The following MITD1 variants were observed in gnomAD, a reference collection of about 807,000 sequenced individuals.
The protein encoded by MITD1 is microtubule interacting and trafficking domain containing 1, also known as MIT domain-containing protein 1.
Under a neutral mutation model 34.9 loss-of-function variants are expected in MITD1, and 24 were observed. The ratio of observed to expected loss-of-function variants is 0.69; its 90% CI spans 0.50 to 0.97. The LOEUF (loss-of-function observed/expected upper bound fraction) is 0.97. Ranked by LOEUF, MITD1 falls within the 50% of genes least tolerant of loss-of-function variation. MITD1 has a pLI of 0.00. For synonymous variants in MITD1, 102 were observed against 101.4 expected, an observed-to-expected ratio of 1.01 and a Z score of -0.04; for missense variants, 266 against 294.6, an observed-to-expected ratio of 0.90 and a Z score of 0.71.
chr2:99,165,955 G>A (rs1400882092), downstream of MITD1, among the ~76,000 whole-genome samples: 1 of 152,184 alleles, frequency 6.6e-6, no homozygotes, highest in African/African-American at 2.4e-5. Context: ...CAGTGGTGTA[G>A]GCTACTGCAT....
rs749042289 is a variant in MITD1 at position 99,171,445 on chromosome 2, A to G, written c.391-16T>C. Reference sequence around the variant, plus strand: ...AGTTATACAGCTAAAAGACATTAGAATGGATTATTACTAATTTAGTACATT... The same window carrying G: ...AGTTATACAGCTAAAAGACATTAGAGTGGATTATTACTAATTTAGTACATT... On this transcript the variant is annotated splice_polypyrimidine_tract_variant and intron_variant, in intron 3 of 6. Coordinates refer to ENST00000289359, the MANE Select transcript of MITD1 (RefSeq NM_138798.3). 5.0e-6 allele frequency: 8 copies of G among 1,602,858 alleles called. No homozygotes were observed. Among genetic ancestry groups the G allele is most frequent in the Non-Finnish European group, 6.8e-6 (8 of 1,170,126 alleles).
rs780351789 is a variant in MITD1, at chr2:99,169,445, TCA to T, written c.678_679del (p.Cys226Ter). 1 of 1,200,614 alleles carries T rather than the reference TCA, an allele frequency of 8.3e-7. No homozygotes were observed. The highest frequency in any genetic ancestry group is 1.2e-6 in the Non-Finnish European group (1 of 843,852). The allele number at this position is 1,200,614 out of a possible 1,614,324, so 74.4% of individuals were successfully genotyped here. A position where few individuals can be genotyped will look rare whatever the true frequency, so the allele number is the denominator to read the frequency against. ...TTCATGACATGGTCTTAAATCAAAA[TCA>T]CAATATCCAAGGGAAAAACGACTCT... On this transcript the variant is annotated stop_gained and frameshift_variant, in exon 7 of 7. Coordinates refer to ENST00000289359, the MANE Select transcript of MITD1 (RefSeq NM_138798.3). LOFTEE classifies it high-confidence loss of function.
chr2:99,166,416 A>G (rs999606651), downstream of MITD1, among the ~76,000 whole-genome samples: 3 of 148,450 alleles, frequency 2.0e-5, no homozygotes, highest in African/African-American at 7.4e-5. Flanking sequence ...AGCAAAAACG[A>G]TTTCAGTGGA....
chr2:99,162,336 A>G, intron 7 of MITD1: 2 of 1,613,678 alleles, frequency 1.2e-6, no homozygotes, highest in Non-Finnish European at 1.7e-6. Context: ...GTATGATAGA[A>G]TGGAAAATCT....
At chr2:99,167,624 A>G (rs1330367847), downstream of MITD1, among the ~76,000 whole-genome samples, 1 of 152,200 alleles carries the variant, frequency 6.6e-6, no homozygotes, top group Non-Finnish European at 1.5e-5. Flanking sequence ...ACATGAAGGT[A>G]AAGAGGCCTA....
At chr2:99,163,834 C>T (rs1328586416) in intron 7 of MITD1, among the ~76,000 whole-genome samples, 1 of 152,068 alleles carries the variant, frequency 6.6e-6, no homozygotes, top group Non-Finnish European at 1.5e-5. Context: ...ATTTTCTTAT[C>T]TTTCTACTCT....
rs753859939 is a variant in MITD1 at position 99,180,971 on chromosome 2, G to A, written c.11C>T (p.Ser4Phe). The change falls in exon 1 of 7, where the codon TCC becomes TTC. Residue 4 changes from serine to phenylalanine, a missense_variant. Coordinates refer to ENST00000289359, the MANE Select transcript of MITD1 (RefSeq NM_138798.3). ...GCTCTGCGGGTCCTGCCTCAGCCCG[G>A]ACTTCGCCATAATTCTGGAAGTTCT... is the stretch of plus-strand genomic sequence containing the variant. MAK[S>F]GLRQDPQSTA... 9.9e-6 allele frequency: 16 copies of A among 1,613,350 alleles called. No homozygotes were observed. The highest frequency in any genetic ancestry group is 7.7e-5 in the South Asian group (7 of 90,958).
In MITD1 at chr2:99,171,388, T is replaced by G; in HGVS notation, c.432A>C (p.Arg144Ser). The G allele has an allele frequency of 7.4e-6, 12 of 1,612,370 alleles. No homozygotes were observed. Among genetic ancestry groups the G allele is most frequent in the Non-Finnish European group, 1.0e-5 (12 of 1,179,558 alleles). The stretch of plus-strand genomic sequence containing the variant: ...GGTGAATAGTTTTTACTTTACATGG[T>G]CTCTTAATAAGCATCTCACAAAATC... ...FLRFCEMLIK[R>S]PCKVKTIHLL... is the part of the protein sequence containing the mutation. The change falls in exon 4 of 7, where the codon AGA becomes AGC. Residue 144 changes from arginine to serine, a missense_variant. Transcript: ENST00000289359.
chr2:99,164,067 G>T (rs545846330), intron 7 of MITD1, among the ~76,000 whole-genome samples: 1 of 152,052 alleles, frequency 6.6e-6, no homozygotes. Flanking sequence ...ATGCTGGGGG[G>T]AAAGATCATA....
chr2:99,173,403 A>AC, intron 2 of MITD1: 1 of 447,262 alleles, frequency 2.2e-6, no homozygotes, highest in South Asian at 1.6e-5. Flanking sequence ...ATAATAGGGA[A>AC]CAATACCTAC....
At chr2:99,167,066 A>T (rs1023595583), downstream of MITD1, among the ~76,000 whole-genome samples, 1 of 151,758 alleles carries the variant, frequency 6.6e-6, no homozygotes, top group African/African-American at 2.4e-5. Context: ...TTTATTACAT[A>T]TTAAATACTC....
chr2:99,167,625 A>G (rs953681167), downstream of MITD1, among the ~76,000 whole-genome samples: 1 of 152,168 alleles, frequency 6.6e-6, no homozygotes, highest in Non-Finnish European at 1.5e-5. Flanking sequence ...CATGAAGGTA[A>G]AGAGGCCTAA....
downstream of MITD1, chr2:99,169,208 T>A (rs2105211948): frequency 2.1e-6 from 1 of 479,984 alleles, no homozygotes; most frequent in African/African-American, 2.0e-5. Flanking sequence ...TGCTGAGTAA[T>A]ATATTTACAA....
intron 7 of MITD1, chr2:99,162,328 A>G (rs771160985): frequency 2.5e-6 from 4 of 1,613,518 alleles, no homozygotes; most frequent in Middle Eastern, 1.6e-4. Flanking sequence ...AAAAAAAAGT[A>G]TGATAGAATG....
chr2:99,179,893 C>A (rs1179321969), intron 1 of MITD1, among the ~76,000 whole-genome samples: 1 of 152,072 alleles, frequency 6.6e-6, no homozygotes, highest in Non-Finnish European at 1.5e-5. Flanking sequence ...ACCAAAGCAC[C>A]AAACCATAAA....
chr2:99,179,251 C>T (rs1466961793), intron 1 of MITD1, among the ~76,000 whole-genome samples: 1 of 152,210 alleles, frequency 6.6e-6, no homozygotes, highest in African/African-American at 2.4e-5. Context: ...AGTGTTCCAC[C>T]TGACCAACAC....
chr2:99,176,660 G>C (rs1407776722), intron 1 of MITD1, among the ~76,000 whole-genome samples: 1 of 148,184 alleles, frequency 6.7e-6, no homozygotes, highest in African/African-American at 2.5e-5. Context: ...TATGAGGGGT[G>C]TGTGTATGTG....
downstream of MITD1, among the ~76,000 whole-genome samples, chr2:99,167,887 G>T (rs1462002136): frequency 6.6e-6 from 1 of 152,168 alleles, no homozygotes; most frequent in Non-Finnish European, 1.5e-5. Flanking sequence ...TGTTCTGGAA[G>T]CCCTTCCTGG....
chr2:99,167,829 G>A (rs2309581), downstream of MITD1, among the ~76,000 whole-genome samples: 90,887 of 151,900 alleles, frequency 0.6, 27,961 homozygotes, highest in East Asian at 0.88. Context: ...TTCAGATTCA[G>A]TATTATCAGC....
Sources: gnomAD v4.1 joint callset for allele counts (sites outside exome capture counted in the v4.1 genomes callset) on GRCh38, gnomAD v4.1.1 for gene constraint, MANE v1.5 for transcripts, NCBI Gene and HGNC (gene_info 2026-07-23, HGNC 2026-07-21) for gene names.